Variants in RGS17 observed in about 807,000 individuals in gnomAD.
RGS17 encodes the protein regulator of G protein signaling 17, also known as regulator of G-protein signaling 17.
In RGS17, 12 loss-of-function variants were observed where a neutral mutation model predicts 25.5. That is an observed-to-expected ratio of 0.47 (90% CI 0.30 to 0.76). The LOEUF is 0.76. Among genes scored for constraint, RGS17 ranks in the 30% least tolerant of loss-of-function variants. RGS17 has a pLI of 0.07. For missense variants in RGS17, 196 were observed against 242.2 expected, an observed-to-expected ratio of 0.81 and a Z score of 1.27; for synonymous variants, 71 against 76.9, an observed-to-expected ratio of 0.92 and a Z score of 0.40.
rs1584115254 is a variant in RGS17 at position 153,009,389 on chromosome 6, T to G, written c.*2185A>C. 6.6e-6 allele frequency: 1 copy of G among 152,084 alleles called. No individual in the cohort carries two copies. The highest frequency in any genetic ancestry group is 6.5e-5 in the Admixed American group (1 of 15,278). 9.4% of individuals were successfully genotyped at this position (152,084 alleles called of 1,614,324 possible). A position where few individuals can be genotyped will look rare whatever the true frequency, so the allele number is the denominator to read the frequency against. On this transcript the variant is annotated 3_prime_UTR_variant, in exon 5 of 5. Transcript: ENST00000206262. ...CACCATACATGTGTATATATCATAG[T>G]AGCATAATAAACTCAATTCTAAGCA...
intron 2 of RGS17, among the ~76,000 whole-genome samples, chr6:153,028,032 G>T (rs950240564): frequency 3.3e-5 from 5 of 152,132 alleles, no homozygotes; most frequent in Non-Finnish European, 5.9e-5. Flanking sequence ...TCTGACAAGC[G>T]GGCCCATCTA....
At chr6:153,062,042 G>A (rs1283776571) in intron 1 of RGS17, among the ~76,000 whole-genome samples, 2 of 152,120 alleles carry the variant, frequency 1.3e-5, no homozygotes, top group East Asian at 1.9e-4. Context: ...GTTGGAGAGT[G>A]AATAAAGATG....
chr6:153,105,712 G>A (rs941014914), intron 1 of RGS17, among the ~76,000 whole-genome samples: 1 of 152,168 alleles, frequency 6.6e-6, no homozygotes, highest in African/African-American at 2.4e-5. Flanking sequence ...AAACAAGGAG[G>A]CCTAAATAGC....
chr6:153,086,541 G>A (rs926629523), intron 1 of RGS17, among the ~76,000 whole-genome samples: 2 of 152,158 alleles, frequency 1.3e-5, no homozygotes, highest in African/African-American at 4.8e-5. Context: ...TTCCAGAACA[G>A]GTATCTTCTT....
intron 1 of RGS17, among the ~76,000 whole-genome samples, chr6:153,057,396 A>G (rs954868468): frequency 1.3e-5 from 2 of 152,118 alleles, no homozygotes; most frequent in African/African-American, 2.4e-5. Context: ...TAAACTTACA[A>G]ATATAAACAG....
In RGS17 at chr6:153,008,446, A is replaced by G. The variant is rs943696896; in HGVS notation, c.*3128T>C. The G allele has an allele frequency of 2.0e-5, 3 of 152,182 alleles. No individual in the cohort carries two copies. The highest frequency in any genetic ancestry group is 2.9e-5 in the Non-Finnish European group (2 of 68,036). 9.4% of individuals were successfully genotyped at this position (152,182 alleles called of 1,614,324 possible). A position where few individuals can be genotyped will look rare whatever the true frequency, so the allele number is the denominator to read the frequency against. ...ACTCCAACACTGTCAGAGCATCTCT[A>G]CTACCTTTGGATAACATCATAACAG... On this transcript the variant is annotated 3_prime_UTR_variant, in exon 5 of 5. Coordinates refer to ENST00000206262, the MANE Select transcript of RGS17 (RefSeq NM_012419.5).
intron 1 of RGS17, among the ~76,000 whole-genome samples, chr6:153,064,973 A>G (rs1776687583): frequency 1.3e-5 from 2 of 152,192 alleles, no homozygotes; most frequent in African/African-American, 4.8e-5. Flanking sequence ...CATCGAATGT[A>G]AAGGGACTAA....
chr6:153,061,895 G>A (rs1475132854), intron 1 of RGS17, among the ~76,000 whole-genome samples: 1 of 152,156 alleles, frequency 6.6e-6, no homozygotes, highest in Non-Finnish European at 1.5e-5. Context: ...TTAAGCATAT[G>A]AGAGCAAACA....
chr6:153,064,808 C>T (rs1369572563), intron 1 of RGS17, among the ~76,000 whole-genome samples: 2 of 151,628 alleles, frequency 1.3e-5, no homozygotes, highest in African/African-American at 2.4e-5. Context: ...AATGAATGCA[C>T]AAAAAATACA....
chr6:153,126,896 A>G (rs1777712010), intron 1 of RGS17, among the ~76,000 whole-genome samples: 1 of 152,242 alleles, frequency 6.6e-6, no homozygotes, highest in Admixed American at 6.5e-5. Context: ...TAATTTCTTG[A>G]GAAACAGCAA....
At chr6:153,125,337 T>C (rs943940040) in intron 1 of RGS17, among the ~76,000 whole-genome samples, 1 of 152,254 alleles carries the variant, frequency 6.6e-6, no homozygotes, top group Non-Finnish European at 1.5e-5. Flanking sequence ...TCAGTGATTT[T>C]AGATATTTAT....
At chr6:153,013,418 C>T (rs1288108184) in intron 4 of RGS17, among the ~76,000 whole-genome samples, 1 of 152,150 alleles carries the variant, frequency 6.6e-6, no homozygotes, top group South Asian at 2.1e-4. Context: ...CTCCCTATTT[C>T]CCACAGAGAA....
At position 153,013,210 on chromosome 6, in the gene RGS17, T is replaced by C. The variant is rs536543397; in HGVS notation, c.445-1448A>G. ...TCACATTTTGGTAGTTCCCATAATA[T>C]TTCACAATTTTCATCATTATTATAT... On this transcript the variant is annotated intron_variant, in intron 4 of 4. Coordinates refer to ENST00000206262, the MANE Select transcript of RGS17 (RefSeq NM_012419.5). Among the ~76,000 whole-genome samples the C allele has an allele frequency of 5.3e-4, 80 of 152,346 alleles. No individual in the cohort carries two copies. The Middle Eastern group carries it at 0.037, about 71-fold the overall frequency.
intron 4 of RGS17, among the ~76,000 whole-genome samples, chr6:153,019,489 C>T (rs1305187807): frequency 6.6e-6 from 1 of 151,948 alleles, no homozygotes. Context: ...AAATGTAATC[C>T]CCAGTGTTGG....
At position 153,010,883 on chromosome 6, in the gene RGS17, C is replaced by CTTTTT. The variant is rs367841076; in HGVS notation, c.*686_*690dup. Reference sequence around the variant, plus strand: ...TGTTTTGTGCTTTTTTCCTTCTTCCCTTTTTTTTTTTTTTTGTTTTTTGCT... The same window carrying CTTTTT: ...TGTTTTGTGCTTTTTTCCTTCTTCCCTTTTTTTTTTTTTTTTTTTTGTTTTTTGCT... On this transcript the variant is annotated 3_prime_UTR_variant, in exon 5 of 5. Coordinates refer to ENST00000206262, the MANE Select transcript of RGS17 (RefSeq NM_012419.5). 3 of 137,982 alleles carry CTTTTT rather than the reference C, an allele frequency of 2.2e-5. No homozygotes were observed. The highest frequency in any genetic ancestry group is 5.3e-5 in the African/African-American group (2 of 37,996). The allele number at this position is 137,982 out of a possible 1,614,324, so 8.5% of individuals were successfully genotyped here.
intron 1 of RGS17, among the ~76,000 whole-genome samples, chr6:153,121,115 A>T (rs1777625051): frequency 6.6e-6 from 1 of 151,962 alleles, no homozygotes; most frequent in African/African-American, 2.4e-5. Context: ...ATTGAATTAC[A>T]CAGCACATTA....
In RGS17 at chr6:153,044,059, C is replaced by A. The variant is rs1185472226; in HGVS notation, c.-25-16G>T. The A allele has an allele frequency of 2.4e-6, 3 of 1,276,280 alleles. No individual in the cohort carries two copies. The highest frequency in any genetic ancestry group is 1.8e-5 in the Admixed American group (1 of 56,870). The allele number at this position is 1,276,280 out of a possible 1,614,324, so 79.1% of individuals were successfully genotyped here. On this transcript the variant is annotated splice_polypyrimidine_tract_variant and intron_variant, in intron 1 of 4. Coordinates refer to ENST00000206262, the MANE Select transcript of RGS17 (RefSeq NM_012419.5). Reference sequence around the variant, plus strand: ...ACCCAGTTGGCTGAAAGAGATAAAACAAAAAATTGGGTATGAAAAAAGCAA... The same window carrying A: ...ACCCAGTTGGCTGAAAGAGATAAAAAAAAAAATTGGGTATGAAAAAAGCAA...
chr6:153,100,064 T>G (rs756802440), intron 1 of RGS17, among the ~76,000 whole-genome samples: 3 of 152,176 alleles, frequency 2.0e-5, no homozygotes, highest in Non-Finnish European at 4.4e-5. Context: ...TAATTTTTCC[T>G]AAGAAATTAA....
intron 1 of RGS17, among the ~76,000 whole-genome samples, chr6:153,109,849 C>CT (rs1463897897): frequency 6.6e-6 from 1 of 152,232 alleles, no homozygotes; most frequent in Non-Finnish European, 1.5e-5. Flanking sequence ...TATCTCTAAA[C>CT]TGCAAACTTG....
Sources: gnomAD v4.1 joint callset for allele counts (sites outside exome capture counted in the v4.1 genomes callset) on GRCh38, gnomAD v4.1.1 for gene constraint, MANE v1.5 for transcripts, NCBI Gene and HGNC (gene_info 2026-07-23, HGNC 2026-07-21) for gene names.